The following NCOA1 variants were observed in gnomAD, a reference collection of about 807,000 sequenced individuals.
NCOA1 encodes the protein Hin-2 protein.
Under a neutral mutation model 150.9 loss-of-function variants are expected in NCOA1, and 35 were observed. The ratio of observed to expected loss-of-function variants is 0.23; its 90% CI spans 0.18 to 0.31. The LOEUF is 0.31. Among genes scored for constraint, NCOA1 ranks in the 10% least tolerant of loss-of-function variants. The probability of loss-of-function intolerance (pLI) is 1.00; values close to 1 mark genes in which losing one functional copy is unlikely to be tolerated. For missense variants in NCOA1, 1,491 were observed against 1,749.3 expected (o/e 0.85, Z 2.63); for synonymous variants, 590 against 630.0 (o/e 0.94, Z 0.95).
chr2:24,656,087 C>CA (rs58446937), intron 4 of NCOA1, among the ~76,000 whole-genome samples: 2,461 of 60,106 alleles, frequency 0.041, 74 homozygotes, highest in African/African-American at 0.094. Context: ...GACTCCGTCT[C>CA]AAAAAAAAAA....
intron 4 of NCOA1, among the ~76,000 whole-genome samples, chr2:24,651,423 C>T (rs564869119): frequency 1.1e-4 from 17 of 152,022 alleles, no homozygotes; most frequent in Non-Finnish European, 1.2e-4. Context: ...GCCTGGAGGA[C>T]ATTTTGCTAA....
At chr2:24,686,368 A>T (rs1232418894) in intron 8 of NCOA1, among the ~76,000 whole-genome samples, 1 of 152,068 alleles carries the variant, frequency 6.6e-6, no homozygotes, top group Non-Finnish European at 1.5e-5. Context: ...TTTTGTTAGT[A>T]ATTTTTTAAT....
chr2:24,627,585 A>C (rs929007627), intron 3 of NCOA1, among the ~76,000 whole-genome samples: 2 of 111,150 alleles, frequency 1.8e-5, no homozygotes, highest in African/African-American at 5.4e-5. Flanking sequence ...GAGATTTAAT[A>C]TTTACTTTTT....
chr2:24,760,569 G>A (rs1664741724), intron 21 of NCOA1, among the ~76,000 whole-genome samples: 2 of 152,096 alleles, frequency 1.3e-5, no homozygotes, highest in South Asian at 4.1e-4. Context: ...TAGCTTGGCA[G>A]TTTTAGCTTT....
chr2:24,695,259 G>C (rs570141035), intron 10 of NCOA1, among the ~76,000 whole-genome samples: 2 of 152,038 alleles, frequency 1.3e-5, no homozygotes, highest in African/African-American at 4.8e-5. Context: ...TAAAAAATTA[G>C]CCTCTGGGCC....
chr2:24,764,767 AG>A (rs1239728779), intron 22 of NCOA1, among the ~76,000 whole-genome samples: 1 of 152,228 alleles, frequency 6.6e-6, no homozygotes, highest in African/African-American at 2.4e-5. Context: ...CATCGATAGA[AG>A]TGCTAGTTTA....
intron 13 of NCOA1, among the ~76,000 whole-genome samples, chr2:24,708,949 T>A (rs1673598543): frequency 2.0e-5 from 3 of 152,164 alleles, no homozygotes; most frequent in Admixed American, 2.0e-4. Context: ...AAATAACATC[T>A]GCATAAAGCC....
intron 6 of NCOA1, among the ~76,000 whole-genome samples, chr2:24,666,466 G>A (rs1242466287): frequency 6.6e-6 from 1 of 152,116 alleles, no homozygotes; most frequent in Non-Finnish European, 1.5e-5. Flanking sequence ...GGTTGCTTTA[G>A]GAGATTATGG....
intron 1 of NCOA1, among the ~76,000 whole-genome samples, chr2:24,559,290 G>A (rs567498679): frequency 6.6e-5 from 10 of 152,218 alleles, no homozygotes; most frequent in South Asian, 2.1e-4. Context: ...TTTTGTCACC[G>A]TCATTACCCT....
chr2:24,647,068 C>T (rs1224981913), intron 4 of NCOA1, among the ~76,000 whole-genome samples: 2 of 152,034 alleles, frequency 1.3e-5, no homozygotes, highest in African/African-American at 4.8e-5. Context: ...GATGTTTGGA[C>T]TAAGGATAGA....
chr2:24,558,752 C>G (rs545093817), intron 1 of NCOA1, among the ~76,000 whole-genome samples: 1 of 152,200 alleles, frequency 6.6e-6, no homozygotes, highest in East Asian at 1.9e-4. Flanking sequence ...TCAAATCTGT[C>G]TCCTGAGCTG....
chr2:24,674,125 G>A (rs1253349829), intron 7 of NCOA1, among the ~76,000 whole-genome samples: 1 of 111,950 alleles, frequency 8.9e-6, no homozygotes, highest in African/African-American at 7.1e-5. Flanking sequence ...ATGTATGTAT[G>A]TGTGTGTGTG....
intron 1 of NCOA1, among the ~76,000 whole-genome samples, chr2:24,553,891 A>G (rs1665965856): frequency 6.6e-6 from 1 of 152,234 alleles, no homozygotes; most frequent in Non-Finnish European, 1.5e-5. Flanking sequence ...GAATTCACCA[A>G]GGGAGCCTTT....
intron 19 of NCOA1, among the ~76,000 whole-genome samples, chr2:24,749,080 A>T (rs1255125961): frequency 2.0e-5 from 3 of 152,376 alleles, no homozygotes; most frequent in East Asian, 1.9e-4. Flanking sequence ...AACATTTTTT[A>T]AAAAACATTT....
chr2:24,679,674 T>C (rs1018814625), intron 7 of NCOA1, among the ~76,000 whole-genome samples: 1 of 152,026 alleles, frequency 6.6e-6, no homozygotes, highest in Non-Finnish European at 1.5e-5. Flanking sequence ...TCACCTATTA[T>C]GAGATTTATA....
chr2:24,589,003 C>T (rs1021894531), intron 3 of NCOA1, among the ~76,000 whole-genome samples: 1 of 152,128 alleles, frequency 6.6e-6, no homozygotes, highest in Non-Finnish European at 1.5e-5. Context: ...TGGGTCTTAT[C>T]CAATAATTTA....
At chr2:24,583,359 A>G (rs1259990011) in intron 2 of NCOA1, among the ~76,000 whole-genome samples, 1 of 152,058 alleles carries the variant, frequency 6.6e-6, no homozygotes, top group Non-Finnish European at 1.5e-5. Context: ...AATGAGGATT[A>G]TTTCACCTCA....
chr2:24,637,984 C>T (rs1670015251), intron 3 of NCOA1, among the ~76,000 whole-genome samples: 1 of 149,006 alleles, frequency 6.7e-6, no homozygotes, highest in African/African-American at 2.4e-5. Flanking sequence ...ACGTGAGCCA[C>T]TGCACCTGGC....
intron 2 of NCOA1, among the ~76,000 whole-genome samples, chr2:24,582,346 C>G (rs966041410): frequency 6.6e-6 from 1 of 151,980 alleles, no homozygotes; most frequent in Non-Finnish European, 1.5e-5. Flanking sequence ...GAAAGCAATT[C>G]TATTTACAAT....
Sources: allele counts gnomAD v4.1 joint callset (sites outside exome capture counted in the v4.1 genomes callset), GRCh38; gene constraint gnomAD v4.1.1; transcripts MANE v1.5; gene names NCBI Gene and HGNC (gene_info 2026-07-23, HGNC 2026-07-21).